TENM4: variants seen among roughly 807,000 people sequenced by gnomAD.
The protein encoded by TENM4 is teneurin transmembrane protein 4.
A neutral mutation model predicts 243.3 loss-of-function variants in TENM4; 82 were observed. The ratio of observed to expected loss-of-function variants is 0.34; its 90% CI spans 0.28 to 0.40. The LOEUF (loss-of-function observed/expected upper bound fraction) is 0.40. Ranked by LOEUF, TENM4 falls within the 10% of genes least tolerant of loss-of-function variation. The probability of loss-of-function intolerance (pLI) is 1.00; values close to 1 mark genes in which losing one functional copy is unlikely to be tolerated. For synonymous variants in TENM4, 1,412 were observed against 1,456.3 expected, an observed-to-expected ratio of 0.97 and a Z score of 0.69; for missense variants, 3,138 against 3,673.3, an observed-to-expected ratio of 0.85 and a Z score of 3.77.
chr11:79,058,308 C>T (rs933042835), intron 6 of TENM4, among the ~76,000 whole-genome samples: 1 of 152,142 alleles, frequency 6.6e-6, no homozygotes, highest in South Asian at 2.1e-4. Context: ...CTTTGGGAGG[C>T]TGAGACGGGC....
chr11:79,263,626 C>T (rs997971602), intron 2 of TENM4, among the ~76,000 whole-genome samples: 1 of 152,216 alleles, frequency 6.6e-6, no homozygotes, highest in Non-Finnish European at 1.5e-5. Context: ...AGAACTCCTT[C>T]ACACTTGTTG....
At chr11:79,266,410 G>A (rs1855884668) in intron 2 of TENM4, among the ~76,000 whole-genome samples, 1 of 152,284 alleles carries the variant, frequency 6.6e-6, no homozygotes, top group Admixed American at 6.5e-5. Context: ...AAAGTACCTT[G>A]CATCATCCTA....
Position 78,654,478 on chromosome 11 carries a change from C to T in TENM4, c.*3580G>A, listed in dbSNP as rs975826367. 2 of 152,152 alleles carry T rather than the reference C, an allele frequency of 1.3e-5. No individual in the cohort carries two copies. Among genetic ancestry groups the T allele is most frequent in the Non-Finnish European group, 2.9e-5 (2 of 68,032 alleles). The allele number at this position is 152,152 out of a possible 1,614,324, so 9.4% of individuals were successfully genotyped here. On this transcript the variant is annotated 3_prime_UTR_variant, in exon 34 of 34. Transcript: ENST00000278550. The stretch of plus-strand genomic sequence containing the variant: ...AGGTGATACTTTAAAGTTGCAGCTG[C>T]GAAGATTTGTTTTTCTTCTTTTTTC...
chr11:78,937,348 C>G (rs1039353532), intron 6 of TENM4, among the ~76,000 whole-genome samples: 4 of 152,160 alleles, frequency 2.6e-5, no homozygotes, highest in Non-Finnish European at 2.9e-5. Context: ...TTTCTGAACA[C>G]AAGTCCTGTG....
chr11:79,024,139 G>A (rs887556908), intron 6 of TENM4, among the ~76,000 whole-genome samples: 4 of 149,930 alleles, frequency 2.7e-5, no homozygotes, highest in Non-Finnish European at 6.0e-5. Context: ...GACAATGAAC[G>A]ACTTGGAGAA....
intron 9 of TENM4, among the ~76,000 whole-genome samples, chr11:78,865,197 A>T (rs1858938576): frequency 1.3e-5 from 2 of 152,232 alleles, no homozygotes; most frequent in Non-Finnish European, 2.9e-5. Flanking sequence ...TACAAGCAAT[A>T]ATTCCTTTAA....
intron 7 of TENM4, among the ~76,000 whole-genome samples, chr11:78,898,436 T>C (rs750448401): frequency 5.3e-5 from 8 of 152,242 alleles, no homozygotes; most frequent in Non-Finnish European, 7.3e-5. Context: ...ATTTCTCTGA[T>C]ATCAAGAGGC....
At chr11:79,334,347 T>C (rs947944008) in intron 1 of TENM4, among the ~76,000 whole-genome samples, 4 of 152,156 alleles carry the variant, frequency 2.6e-5, no homozygotes, top group African/African-American at 9.7e-5. Context: ...CTAGGCCAGG[T>C]GCCAGGAGAT....
chr11:78,922,053 G>A (rs1222140917), intron 6 of TENM4, among the ~76,000 whole-genome samples: 3 of 152,202 alleles, frequency 2.0e-5, no homozygotes, highest in Non-Finnish European at 4.4e-5. Flanking sequence ...ATGTGATGAG[G>A]CTGGAGTGAC....
chr11:79,078,621 T>C (rs2137022147), intron 4 of TENM4, among the ~76,000 whole-genome samples: 1 of 152,336 alleles, frequency 6.6e-6, no homozygotes, highest in East Asian at 1.9e-4. Context: ...GCTCTGCTTC[T>C]GAGGTCTGTA....
chr11:78,822,752 AAAAC>A (rs1857761150), intron 12 of TENM4, among the ~76,000 whole-genome samples: 1 of 152,228 alleles, frequency 6.6e-6, no homozygotes, highest in South Asian at 2.1e-4. Context: ...TAAAAAAAGA[AAAAC>A]AATAGACAAG....
At chr11:78,835,590 TC>T (rs1455842601) in intron 12 of TENM4, among the ~76,000 whole-genome samples, 1 of 152,190 alleles carries the variant, frequency 6.6e-6, no homozygotes, top group African/African-American at 2.4e-5. Flanking sequence ...CTAGTCCTCA[TC>T]CTCCTTTTCT....
chr11:78,899,565 G>GGA (rs1555098941), intron 7 of TENM4, among the ~76,000 whole-genome samples: 2 of 134,058 alleles, frequency 1.5e-5, no homozygotes, highest in Admixed American at 7.4e-5. Flanking sequence ...AAAGCGGGGG[G>GGA]GGGGGGAAAA....
chr11:78,740,017 C>T (rs714365), intron 19 of TENM4, among the ~76,000 whole-genome samples: 82,776 of 152,092 alleles, frequency 0.54, 25,239 homozygotes, highest in Non-Finnish European at 0.7. Flanking sequence ...CTCAAGGATC[C>T]GCACATTGGG....
In TENM4 at chr11:78,908,136, C is replaced by T. The variant is rs147150357; in HGVS notation, c.494-4613G>A. Among the ~76,000 whole-genome samples, 27 of 152,316 alleles carry T rather than the reference C, an allele frequency of 1.8e-4. No homozygotes were observed. In the East Asian group the frequency reaches 5.0e-3, roughly 28 times the overall value. Reference sequence around the variant, plus strand: ...CCTGAACCAAGATCATAGTGAGGCTCCTTTACAATGCTGGGCAGAGCCGTA... The same window carrying T: ...CCTGAACCAAGATCATAGTGAGGCTTCTTTACAATGCTGGGCAGAGCCGTA... On this transcript the variant is annotated intron_variant, in intron 6 of 33. Coordinates refer to ENST00000278550, the MANE Select transcript of TENM4 (RefSeq NM_001098816.3).
At chr11:79,019,962 TTC>T (rs1258403740) in intron 6 of TENM4, among the ~76,000 whole-genome samples, 22 of 152,178 alleles carry the variant, frequency 1.4e-4, no homozygotes, top group African/African-American at 5.3e-4. Flanking sequence ...GTACCTGGTA[TTC>T]TGTTGCTATT....
intron 10 of TENM4, among the ~76,000 whole-genome samples, chr11:78,861,020 T>C (rs76660787): frequency 6.6e-6 from 1 of 152,208 alleles, no homozygotes; most frequent in Non-Finnish European, 1.5e-5. Context: ...ATAGAGATCA[T>C]AGAGGGAAGA....
intron 1 of TENM4, among the ~76,000 whole-genome samples, chr11:79,366,802 G>A (rs886411477): frequency 6.6e-6 from 1 of 152,142 alleles, no homozygotes; most frequent in African/African-American, 2.4e-5. Context: ...AAACACAGGA[G>A]AAATCACATC....
intron 18 of TENM4, among the ~76,000 whole-genome samples, chr11:78,767,765 T>C (rs761615086): frequency 1.2e-4 from 18 of 152,220 alleles, no homozygotes; most frequent in African/African-American, 1.7e-4. Context: ...CTGAATGATT[T>C]ATCTTGGATT....
Sources: gnomAD v4.1 joint callset for allele counts (sites outside exome capture counted in the v4.1 genomes callset) on GRCh38, gnomAD v4.1.1 for gene constraint, MANE v1.5 for transcripts, NCBI Gene and HGNC (gene_info 2026-07-23, HGNC 2026-07-21) for gene names.